The following ZWINT variants were observed in gnomAD, a reference collection of about 807,000 sequenced individuals.
The protein encoded by ZWINT is ZW10 interacting kinetochore protein.
In ZWINT, 41 loss-of-function variants were observed where a neutral mutation model predicts 41.5. The ratio of observed to expected loss-of-function variants is 0.99; its 90% CI spans 0.77 to 1.28. ZWINT has a LOEUF of 1.28. Ranked by LOEUF, ZWINT falls within the 50% of genes most tolerant of loss-of-function variation. ZWINT has a pLI of 0.00. For missense variants in ZWINT, 369 were observed against 329.7 expected (o/e 1.12, Z -0.92); for synonymous variants, 132 against 126.8 (o/e 1.04, Z -0.28).
Position 56,357,934 on chromosome 10 carries a change from AC to A in ZWINT, c.*292del, listed in dbSNP as rs2132101604. The A allele has an allele frequency of 2.5e-6, 1 of 404,642 alleles. No homozygotes were observed. Among genetic ancestry groups the A allele is most frequent in the East Asian group, 7.1e-5 (1 of 14,012 alleles). 25.1% of individuals were successfully genotyped at this position (404,642 alleles called of 1,614,324 possible). On this transcript the variant is annotated 3_prime_UTR_variant, in exon 9 of 9. Transcript: ENST00000373944. ...GCATCATAGGAGGCCCAAGGCCAGT[AC>A]CCCCTCCCCATCTGCACACCCTGTG...
chr10:56,359,881 A>G, intron 3 of ZWINT, 28 bp from the exon 4 acceptor site: 1 of 1,611,642 alleles, frequency 6.2e-7, no homozygotes, highest in Non-Finnish European at 8.5e-7. Flanking sequence ...GAATGAGTAC[A>G]TGAGTGAGGG....
rs1838210186 is a variant in ZWINT, at chr10:56,358,004, A to G, written c.*223T>C. 2.0e-6 allele frequency: 1 copy of G among 512,424 alleles called. No homozygotes were observed. Among genetic ancestry groups the G allele is most frequent in the South Asian group, 1.5e-5 (1 of 68,756 alleles). The allele number at this position is 512,424 out of a possible 1,614,324, so 31.7% of individuals were successfully genotyped here. On this transcript the variant is annotated 3_prime_UTR_variant, in exon 9 of 9. Coordinates refer to ENST00000373944, the MANE Select transcript of ZWINT (RefSeq NM_007057.4). ...CCTGTCATGTTATTGGCTTCTGAGT[A>G]TCTGTATTAATAGTTGTTCCTGCCA... is the stretch of plus-strand genomic sequence containing the variant.
intron 1 of ZWINT, 69 bp downstream of exon 1, chr10:56,361,127 A>T: frequency 2.6e-6 from 4 of 1,566,876 alleles, no homozygotes; most frequent in Non-Finnish European, 3.5e-6. Context: ...GGCACCAATC[A>T]TTACACATAG....
chr10:56,357,744 A>C lies in ZWINT; in HGVS notation c.*483T>G. ...ATGTTAACACTAGGCTGTACATCCT[A>C]AAACAGTCAGATGAGCTCACTGTTA... On this transcript the variant is annotated 3_prime_UTR_variant, in exon 9 of 9. Coordinates refer to ENST00000373944, the MANE Select transcript of ZWINT (RefSeq NM_007057.4). 3.4e-6 allele frequency: 1 copy of C among 291,988 alleles called. No homozygotes were observed. The highest frequency in any genetic ancestry group is 3.2e-5 in the South Asian group (1 of 31,568). 18.1% of individuals were successfully genotyped at this position (291,988 alleles called of 1,614,324 possible).
intron 1 of ZWINT, among the ~76,000 whole-genome samples, chr10:56,360,989 AG>A (rs1838319156): frequency 1.3e-5 from 2 of 152,056 alleles, no homozygotes; most frequent in Non-Finnish European, 1.5e-5. Flanking sequence ...GGATGTGGGG[AG>A]CGGCGAACGG....
chr10:56,358,898 C>A lies in ZWINT; in HGVS notation c.530G>T (p.Arg177Leu). The change falls in exon 6 of 9, where the codon CGT becomes CTT. Residue 177 changes from arginine to leucine, a missense_variant. Physicochemically the swap from Arg to Leu is moderately radical, Grantham distance 102. Transcript: ENST00000373944. ...LAEVSAEVRE[R>L]KTGTQQELDR... ...AAGCTCCTGCTGAGTCCCTGTCTTACGCTCCCTCACCTCTGCAGAAACCTC... is the reference window on the plus strand; with the variant it reads ...AAGCTCCTGCTGAGTCCCTGTCTTAAGCTCCCTCACCTCTGCAGAAACCTC... 2 of 1,614,128 alleles carry A rather than the reference C, an allele frequency of 1.2e-6. No homozygotes were observed. The highest frequency in any genetic ancestry group is 1.7e-6 in the Non-Finnish European group (2 of 1,180,022).
intron 1 of ZWINT, among the ~76,000 whole-genome samples, chr10:56,360,896 T>G (rs1305879812): frequency 6.6e-6 from 1 of 152,064 alleles, no homozygotes; most frequent in Non-Finnish European, 1.5e-5. Flanking sequence ...GGGATGGGGA[T>G]GAGAAGTGAC....
In ZWINT at chr10:56,358,465, A is replaced by G; in HGVS notation, c.793-6T>C. ...GCAGGTTGTAGACCAACAGCCTTGG[A>G]GAAATACAGTATAGACAGTGGGTAA... On this transcript the variant is annotated splice_polypyrimidine_tract_variant and splice_region_variant and intron_variant, in intron 7 of 8. Transcript: ENST00000373944. 1 of 1,614,104 alleles carries G rather than the reference A, an allele frequency of 6.2e-7. No homozygotes were observed. The highest frequency in any genetic ancestry group is 8.5e-7 in the Non-Finnish European group (1 of 1,180,030).
chr10:56,359,633 C>T, intron 4 of ZWINT, 54 bp downstream of exon 4: 1 of 1,609,308 alleles, frequency 6.2e-7, no homozygotes, highest in Non-Finnish European at 8.5e-7. Flanking sequence ...TCACTCTTTC[C>T]CTCTTCCTTT....
intron 4 of ZWINT, 30 bp downstream of exon 4, chr10:56,359,657 C>T (rs74876352): frequency 0.021 from 33,209 of 1,612,686 alleles, 428 homozygotes; most frequent in Non-Finnish European, 0.024. Flanking sequence ...ACTGCCCTTC[C>T]CTCCCTGTAC....
chr10:56,360,481 A>G (rs563647964), intron 1 of ZWINT, 98 bp from the exon 2 acceptor site: 1 of 968,374 alleles, frequency 1.0e-6, no homozygotes, highest in East Asian at 2.6e-5. Flanking sequence ...GTATATCAGT[A>G]TATATAGTAT....
At chr10:56,358,214 G>T in intron 8 of ZWINT, 29 bp from the exon 9 acceptor site, 1 of 787,068 alleles carries the variant, frequency 1.3e-6, no homozygotes, top group Non-Finnish European at 2.3e-6. Flanking sequence ...GTTAGCTCTG[G>T]GTGGGCTAAG....
At position 56,358,089 on chromosome 10, in the gene ZWINT, G is replaced by GC. The variant is rs1315144561; in HGVS notation, c.*137dup. On this transcript the variant is annotated 3_prime_UTR_variant, in exon 9 of 9. Coordinates refer to ENST00000373944, the MANE Select transcript of ZWINT (RefSeq NM_007057.4). The stretch of plus-strand genomic sequence containing the variant: ...GATCCAGGGATTTTAATCCACAGAT[G>GC]CCAGAGCTTGCTGGGATGTAGTCAG... 1.6e-6 allele frequency: 1 copy of GC among 620,172 alleles called. No homozygotes were observed. The highest frequency in any genetic ancestry group is 1.4e-5 in the South Asian group (1 of 72,378). 38.4% of individuals were successfully genotyped at this position (620,172 alleles called of 1,614,324 possible). A position where few individuals can be genotyped will look rare whatever the true frequency, so the allele number is the denominator to read the frequency against.
Position 56,357,763 on chromosome 10 carries a change from ACT to A in ZWINT, c.*462_*463del, listed in dbSNP as rs1838201972. On this transcript the variant is annotated 3_prime_UTR_variant, in exon 9 of 9. Coordinates refer to ENST00000373944, the MANE Select transcript of ZWINT (RefSeq NM_007057.4). ...CATCCTAAAACAGTCAGATGAGCTC[ACT>A]GTTATAATTCTGGTTCACCGCAAGA... 1 of 310,506 alleles carries A rather than the reference ACT, an allele frequency of 3.2e-6. No individual in the cohort carries two copies. The highest frequency in any genetic ancestry group is 4.8e-5 in the Admixed American group (1 of 20,964). The allele number at this position is 310,506 out of a possible 1,614,324, so 19.2% of individuals were successfully genotyped here.
In ZWINT at chr10:56,361,257, G is replaced by A; in HGVS notation, c.-21C>T. The A allele has an allele frequency of 1.9e-6, 3 of 1,608,436 alleles. No homozygotes were observed. The highest frequency in any genetic ancestry group is 1.1e-5 in the South Asian group (1 of 90,954). ...TCCATCTTTCCAGGCGCCGAGTTCAGCTGCCTTCCCACAATCCCTAAGATT... is the reference window on the plus strand; with the variant it reads ...TCCATCTTTCCAGGCGCCGAGTTCAACTGCCTTCCCACAATCCCTAAGATT... On this transcript the variant is annotated 5_prime_UTR_variant, in exon 1 of 9. Coordinates refer to ENST00000373944, the MANE Select transcript of ZWINT (RefSeq NM_007057.4).
Position 56,359,061 on chromosome 10 carries a change from G to A in ZWINT, c.481-114C>T, listed in dbSNP as rs1009193826. On this transcript the variant is annotated intron_variant, in intron 5 of 8. Transcript: ENST00000373944. ...GGCTCAGGCTCAATGATGAAAAGAG[G>A]GACTCTATTCACTTCAGGGTGGAGT... is the stretch of plus-strand genomic sequence containing the variant. 14 of 1,292,232 alleles carry A rather than the reference G, an allele frequency of 1.1e-5. No individual in the cohort carries two copies. In the African/African-American group the frequency reaches 1.6e-4, roughly 15 times the overall value. 80.0% of individuals were successfully genotyped at this position (1,292,232 alleles called of 1,614,324 possible). A position where few individuals can be genotyped will look rare whatever the true frequency, so the allele number is the denominator to read the frequency against.
chr10:56,361,075 C>T, intron 1 of ZWINT, 121 bp downstream of exon 1: 2 of 1,139,694 alleles, frequency 1.8e-6, no homozygotes, highest in Non-Finnish European at 2.5e-6. Context: ...GTGAGGATCA[C>T]TTCACGGCAG....
At position 56,358,856 on chromosome 10, in the gene ZWINT, T is replaced by C. The variant is rs1356944461; in HGVS notation, c.572A>G (p.Lys191Arg). Residue 191 changes from lysine (K) to arginine (R), a missense_variant, in exon 6 of 9, where the codon AAA becomes AGA. Transcript: ENST00000373944. ...TQQELDRVFQ[K>R]LGNLKQQAEQ... ...TGCCTGCTGCTTCAGGTTTCCAAGT[T>C]TCTGAAACACCCTGTCAAGCTCCTG... 6.2e-7 allele frequency: 1 copy of C among 1,614,056 alleles called. No homozygotes were observed. The highest frequency in any genetic ancestry group is 1.1e-5 in the South Asian group (1 of 91,072).
intron 1 of ZWINT, 143 bp downstream of exon 1, chr10:56,361,053 G>A (rs970215077): frequency 6.9e-6 from 6 of 875,878 alleles, no homozygotes; most frequent in African/African-American, 6.8e-5. Flanking sequence ...AGGAACCTAA[G>A]ACGGGACTGC....
Sources: gnomAD v4.1 joint callset for allele counts (sites outside exome capture counted in the v4.1 genomes callset) on GRCh38, gnomAD v4.1.1 for gene constraint, MANE v1.5 for transcripts, NCBI Gene and HGNC (gene_info 2026-07-23, HGNC 2026-07-21) for gene names.